Variants in CARD14 observed in about 807,000 individuals in gnomAD.
CARD14 encodes the protein caspase recruitment domain-containing protein 14.
A neutral mutation model predicts 111.5 loss-of-function variants in CARD14; 107 were observed. That is an observed-to-expected ratio of 0.96 (90% CI 0.82 to 1.13). The LOEUF (loss-of-function observed/expected upper bound fraction) is 1.13. CARD14 is among the 50% of genes most tolerant of loss of function. The pLI is 0.00. For missense variants in CARD14, 1,322 were observed against 1,362.3 expected (o/e 0.97, Z 0.47); for synonymous variants, 617 against 579.6 (o/e 1.06, Z -0.93).
At position 80,195,972 on chromosome 17, in the gene CARD14, T is replaced by C. The variant is rs1246647332; in HGVS notation, c.1594+320T>C. ...GATCTGTAACGCTTGGGCTTCCCAG[T>C]GGTTTCAGAAGGCAGCAGGCAGGGT... On this transcript the variant is annotated intron_variant, in intron 14 of 23. Transcript: ENST00000648509. The surrounding 1 kb of genome is among the most constrained non-coding windows in gnomAD (Gnocchi z 4.7). 1 of 262,232 alleles carries C rather than the reference T, an allele frequency of 3.8e-6. No homozygotes were observed. The highest frequency in any genetic ancestry group is 7.3e-6 in the Non-Finnish European group (1 of 137,698). The allele number at this position is 262,232 out of a possible 1,614,324, so 16.2% of individuals were successfully genotyped here.
chr17:80,175,952 G>GTTT (rs531556673), intron 2 of CARD14, among the ~76,000 whole-genome samples: 2 of 53,548 alleles, frequency 3.7e-5, no homozygotes, highest in East Asian at 6.3e-4. Flanking sequence ...CTCTCGGATC[G>GTTT]TTTTTTTTTT....
chr17:80,201,777 G>T lies in CARD14; in HGVS notation c.1885G>T (p.Ala629Ser). 1.2e-6 allele frequency: 2 copies of T among 1,614,026 alleles called. No homozygotes were observed. Among genetic ancestry groups the T allele is most frequent in the Non-Finnish European group, 1.7e-6 (2 of 1,179,916 alleles). ...DYEASEPLFK[A>S]VLEDTTLEEA... is the part of the protein sequence containing the mutation. ...CGAAGCCTCAGAGCCCTTGTTCAAG[G>T]CAGTCCTGGAGGACACGACCCTGGA... Residue 629 changes from alanine (A) to serine (S), a missense_variant, in exon 17 of 24, where the codon GCA becomes TCA. Physicochemically the swap from Ala to Ser is moderately conservative, Grantham distance 99. Transcript: ENST00000648509. This position sits in a 1 kb window ranked among gnomAD's most constrained non-coding sequence, Gnocchi z 5.0.
intron 20 of CARD14, 113 bp downstream of exon 20, chr17:80,204,454 G>T: frequency 1.9e-6 from 2 of 1,028,520 alleles, no homozygotes; most frequent in Non-Finnish European, 2.8e-6. Context: ...TTTAGGCCAG[G>T]ATCTGGTCTT....
Position 80,198,580 on chromosome 17 carries a change from C to T in CARD14, c.1840C>T (p.Gln614Ter), listed in dbSNP as rs374763410. 12 of 1,612,230 alleles carry T rather than the reference C, an allele frequency of 7.4e-6. No individual in the cohort carries two copies. Among genetic ancestry groups the T allele is most frequent in the Non-Finnish European group, 1.0e-5 (12 of 1,179,534 alleles). Residue 614 changes from glutamine to a stop codon, truncating the protein, a stop_gained, in exon 16 of 24, where the codon CAG becomes TAG. Coordinates refer to ENST00000648509, the MANE Select transcript of CARD14 (RefSeq NM_001366385.1). LOFTEE classifies it high-confidence loss of function. The surrounding 1 kb of genome is among the most constrained non-coding windows in gnomAD (Gnocchi z 7.5). ...ADQMALRPGT[Q>*]IVMVDYEASE... The stretch of plus-strand genomic sequence containing the variant: ...CCAGATGGCCTTGCGCCCGGGCACC[C>T]AGATTGTGATGGTGAGCCGTGCGAG...
rs749237887 is a variant in CARD14 at position 80,198,898 on chromosome 17, G to A, written c.1851+307G>A. 53 of 1,296,746 alleles carry A rather than the reference G, an allele frequency of 4.1e-5. No homozygotes were observed. The highest frequency in any genetic ancestry group is 2.4e-4 in the East Asian group (8 of 32,800). 80.3% of individuals were successfully genotyped at this position (1,296,746 alleles called of 1,614,324 possible). ...TTTGGGTGTGTACAGTAAAATACAC[G>A]TGACATAAAATTCACTATTTTAACC... On this transcript the variant is annotated intron_variant, in intron 16 of 23. Transcript: ENST00000648509. This position sits in a 1 kb window ranked among gnomAD's most constrained non-coding sequence, Gnocchi z 7.5.
In CARD14 at chr17:80,189,690, C is replaced by T. The variant is rs1397384493; in HGVS notation, c.844-63C>T. The T allele has an allele frequency of 6.9e-7, 1 of 1,451,070 alleles. No homozygotes were observed. The highest frequency in any genetic ancestry group is 9.0e-7 in the Non-Finnish European group (1 of 1,106,108). The allele number at this position is 1,451,070 out of a possible 1,614,324, so 89.9% of individuals were successfully genotyped here. A position where few individuals can be genotyped will look rare whatever the true frequency, so the allele number is the denominator to read the frequency against. ...CAGTTGCCGCCATCTTCTCGGGATT[C>T]TGCTTGCCTAGGGCAGGCCTCTGGG... On this transcript the variant is annotated intron_variant, in intron 8 of 23. Coordinates refer to ENST00000648509, the MANE Select transcript of CARD14 (RefSeq NM_001366385.1). This position sits in a 1 kb window ranked among gnomAD's most constrained non-coding sequence, Gnocchi z 4.7.
rs55912754 is a variant in CARD14 at position 80,172,872 on chromosome 17, C to CTTTTTTTTTTTTTTTTTTTTTTTTTTTTT, written c.-689-8_-689-7insTTTTTTTTTTTTTTTTTTTTTTTTTTTTT. ...CCCATACTTGCTTATTCTAAACATT[C>CTTTTTTTTTTTTTTTTTTTTTTTTTTTTT]TTTTTTTTTTTTTTTTTTTTTTTTT... On this transcript the variant is annotated intron_variant, in intron 1 of 23. Coordinates refer to ENST00000648509, the MANE Select transcript of CARD14 (RefSeq NM_001366385.1). 54 of 70,792 alleles carry CTTTTTTTTTTTTTTTTTTTTTTTTTTTTT rather than the reference C, an allele frequency of 7.6e-4. 13 individuals carry two copies. The highest frequency in any genetic ancestry group is 1.0e-3 in the Non-Finnish European group (39 of 38,690). The allele number at this position is 70,792 out of a possible 1,614,324, so 4.4% of individuals were successfully genotyped here. A position where few individuals can be genotyped will look rare whatever the true frequency, so the allele number is the denominator to read the frequency against.
At chr17:80,205,945 C>G in intron 22 of CARD14, 2 of 269,680 alleles carry the variant, frequency 7.4e-6, no homozygotes, top group Non-Finnish European at 1.4e-5. Context: ...ACACTCTCCA[C>G]GTTTGAAGGC....
In CARD14 at chr17:80,205,635, G is replaced by C. The variant is rs770592418; in HGVS notation, c.2674G>C (p.Glu892Gln). 6.6e-6 allele frequency: 10 copies of C among 1,520,606 alleles called. No homozygotes were observed. The East Asian group carries it at 1.5e-4, about 23-fold the overall frequency. The allele number at this position is 1,520,606 out of a possible 1,614,324, so 94.2% of individuals were successfully genotyped here. A position where few individuals can be genotyped will look rare whatever the true frequency, so the allele number is the denominator to read the frequency against. ...CTGCTGGGTGACCCGCCATGCTGTG[G>C]AGTCCCTCATGGAAAAGGTGAGGTC... ...GRCWVTRHAV[E>Q]SLMEKNTHAL... Residue 892 changes from glutamate (E) to glutamine (Q), a missense_variant, in exon 22 of 24, where the codon GAG becomes CAG. Glu to Gln is a conservative substitution (Grantham distance 29, BLOSUM62 2). Transcript: ENST00000648509.
intron 21 of CARD14, 110 bp downstream of exon 21, chr17:80,205,315 G>A (rs1223905851): frequency 9.2e-6 from 9 of 978,656 alleles, no homozygotes; most frequent in Admixed American, 6.0e-5. Context: ...CCCCCACCAC[G>A]CACATTCCCA....
Position 80,190,828 on chromosome 17 carries a change from T to C in CARD14, c.1018T>C (p.Cys340Arg). The C allele has an allele frequency of 6.2e-7, 1 of 1,614,116 alleles. No individual in the cohort carries two copies. Among genetic ancestry groups the C allele is most frequent in the Non-Finnish European group, 8.5e-7 (1 of 1,180,038 alleles). The part of the protein sequence containing the change: ...LLQFQKSKMA[C>R]QLYREKVNAL... ...GCAGTTCCAGAAGAGTAAGATGGCCTGCCAACTCTACAGGGAGAAGGTGAA... is the reference window on the plus strand; with the variant it reads ...GCAGTTCCAGAAGAGTAAGATGGCCCGCCAACTCTACAGGGAGAAGGTGAA... The change falls in exon 10 of 24, where the codon TGC (cysteine) becomes CGC (arginine). Residue 340 changes from cysteine to arginine, a missense_variant. Physicochemically the swap from Cys to Arg is radical, Grantham distance 180. Transcript: ENST00000648509.
intron 1 of CARD14, among the ~76,000 whole-genome samples, chr17:80,171,634 C>T (rs2144062233): frequency 1.3e-5 from 2 of 152,322 alleles, no homozygotes; most frequent in South Asian, 2.1e-4. Context: ...GGACTAGTGA[C>T]TTCTATTTAG....
At chr17:80,183,816 A>ATGCTCACCTGCCCACC in intron 6 of CARD14, 97 bp from the exon 7 acceptor site, 1 of 886,710 alleles carries the variant, frequency 1.1e-6, no homozygotes, top group Admixed American at 3.6e-5. Context: ...ACCTGCCCAC[A>ATGCTCACCTGCCCACC]TGCTCACCTG....
intron 1 of CARD14, among the ~76,000 whole-genome samples, chr17:80,170,959 G>C (rs1047153948): frequency 6.6e-6 from 1 of 150,668 alleles, no homozygotes; most frequent in African/African-American, 2.4e-5. Flanking sequence ...TCCTGCCTCA[G>C]TCTCCCAAGT....
Position 80,195,852 on chromosome 17 carries a change from G to A in CARD14, c.1594+200G>A. The A allele has an allele frequency of 1.7e-6, 1 of 579,316 alleles. No individual in the cohort carries two copies. 35.9% of individuals were successfully genotyped at this position (579,316 alleles called of 1,614,324 possible). ...GCCAGCCAGCGTAAGCCAAAGGCCG[G>A]CTGCGCTCTGTCTGCTGGTGTCCTT... On this transcript the variant is annotated intron_variant, in intron 14 of 23. Transcript: ENST00000648509. This position sits in a 1 kb window ranked among gnomAD's most constrained non-coding sequence, Gnocchi z 4.7.
chr17:80,208,509 TCA>T lies in CARD14; in HGVS notation c.*171_*172del. 3.4e-6 allele frequency: 2 copies of T among 590,986 alleles called. No individual in the cohort carries two copies. Among genetic ancestry groups the T allele is most frequent in the African/African-American group, 1.9e-5 (1 of 53,678 alleles). The allele number at this position is 590,986 out of a possible 1,614,324, so 36.6% of individuals were successfully genotyped here. A position where few individuals can be genotyped will look rare whatever the true frequency, so the allele number is the denominator to read the frequency against. On this transcript the variant is annotated 3_prime_UTR_variant, in exon 24 of 24. Transcript: ENST00000648509. ...ACCTTGAACCCTCACCACGTGCAGG[TCA>T]CACACAGTGAAGCCACTTGTAACTG...
At chr17:80,171,030 A>G (rs1366811205) in intron 1 of CARD14, among the ~76,000 whole-genome samples, 1 of 151,264 alleles carries the variant, frequency 6.6e-6, no homozygotes, top group Non-Finnish European at 1.5e-5. Context: ...TAGTAGAGAC[A>G]GGGTTTTGTC....
intron 20 of CARD14, chr17:80,204,773 C>T: frequency 4.2e-6 from 2 of 473,008 alleles, no homozygotes; most frequent in South Asian, 8.6e-5. Flanking sequence ...TCCCTTGGGC[C>T]TATAGGAAAC....
intron 16 of CARD14, among the ~76,000 whole-genome samples, chr17:80,200,295 G>A (rs1214203499): frequency 1.5e-5 from 2 of 136,412 alleles, no homozygotes; most frequent in African/African-American, 5.5e-5. Flanking sequence ...GGAGTGCAGT[G>A]GCTCGATCTT....
Sources: gnomAD v4.1 joint callset for allele counts (sites outside exome capture counted in the v4.1 genomes callset) on GRCh38, gnomAD v4.1.1 for gene constraint, Gnocchi (gnomAD v3.1) non-coding constraint, MANE v1.5 for transcripts, NCBI Gene and HGNC (gene_info 2026-07-23, HGNC 2026-07-21) for gene names.